The following RGS3 variants were observed in gnomAD, a reference collection of about 807,000 sequenced individuals.
The protein encoded by RGS3 is regulator of G protein signaling 3.
RGS3 carries 80 observed loss-of-function variants against 132.6 expected under a neutral mutation model. The observed-to-expected ratio is 0.60, with a 90% confidence interval of 0.50 to 0.73. The LOEUF is 0.73. Ranked by LOEUF, RGS3 falls within the 30% of genes least tolerant of loss-of-function variation. The pLI, the probability that RGS3 is intolerant of heterozygous loss-of-function variation, is 0.00. For synonymous variants in RGS3, 598 were observed against 620.6 expected, an observed-to-expected ratio of 0.96 and a Z score of 0.54; for missense variants, 1,382 against 1,530.8, an observed-to-expected ratio of 0.90 and a Z score of 1.62.
At position 113,506,815 on chromosome 9, in the gene RGS3, C is replaced by A. The variant is rs1831151493; in HGVS notation, c.1085+322C>A. Among the ~76,000 whole-genome samples, 1 of 152,130 alleles carries A rather than the reference C, an allele frequency of 6.6e-6. No homozygotes were observed. The highest frequency in any genetic ancestry group is 2.1e-4 in the South Asian group (1 of 4,828). ...GCTAAGCCCATTTGTTATTTAAGGG[C>A]ATGAAGATGTTGCAAATGTTTCAAT... On this transcript the variant is annotated intron_variant, in intron 12 of 24. Transcript: ENST00000350696. The surrounding 1 kb of genome is among the most constrained non-coding windows in gnomAD (Gnocchi z 4.7).
chr9:113,517,730 T>G, intron 16 of RGS3, 106 bp downstream of exon 14: 9 of 809,274 alleles, frequency 1.1e-5, no homozygotes, highest in African/African-American at 1.7e-5. Flanking sequence ...GAATTGTACA[T>G]TCTCAGGGTA....
chr9:113,485,666 C>T (rs1830309037), exon 7 of RGS3: 1 of 1,596,232 alleles, frequency 6.3e-7, no homozygotes, highest in South Asian at 1.1e-5. Flanking sequence ...CTCTTGGTTA[C>T]TGTGTGGAAC....
chr9:113,581,497 A>G (rs1336325217), intron 19 of RGS3: 1 of 152,272 alleles, frequency 6.6e-6, no homozygotes, highest in East Asian at 1.9e-4. Flanking sequence ...CCTTAACTTC[A>G]GAATTTCCCT....
intron 7 of RGS3, 135 bp downstream of exon 5, chr9:113,485,828 G>C (rs931470820): frequency 1.6e-6 from 1 of 628,972 alleles, no homozygotes; most frequent in Non-Finnish European, 2.8e-6. Flanking sequence ...AAATTGCAGA[G>C]GCTGCCCCTC....
At chr9:113,495,589 AT>A (rs1830654740) in intron 7 of RGS3, among the ~76,000 whole-genome samples, 196 bp from the exon 6 acceptor site, 1 of 152,080 alleles carries the variant, frequency 6.6e-6, no homozygotes, top group African/African-American at 2.4e-5. Context: ...CTGAGTCTCC[AT>A]TTTTCCCTCT....
chr9:113,535,714 T>C (rs1311815321), intron 18 of RGS3, among the ~76,000 whole-genome samples: 1 of 148,574 alleles, frequency 6.7e-6, no homozygotes, highest in Non-Finnish European at 1.5e-5. Context: ...AGAAACACTG[T>C]CTTTTTTTTT....
chr9:113,452,938 A>T (rs796989219), intron 1 of RGS3, among the ~76,000 whole-genome samples: 36 of 121,166 alleles, frequency 3.0e-4, no homozygotes, highest in African/African-American at 7.6e-4. Flanking sequence ...TATATAAATA[A>T]AATATATTTA....
At chr9:113,512,193 G>A (rs1831434098) in intron 14 of RGS3, among the ~76,000 whole-genome samples, 1 of 152,194 alleles carries the variant, frequency 6.6e-6, no homozygotes, top group South Asian at 2.1e-4. Flanking sequence ...CAGTGATCAA[G>A]CTCGGGTGTC....
At chr9:113,575,939 C>T (rs1361107998) in intron 19 of RGS3, among the ~76,000 whole-genome samples, 1 of 152,118 alleles carries the variant, frequency 6.6e-6, no homozygotes. Context: ...GTGCAGGTTC[C>T]GATCCAGTGG....
At chr9:113,450,192 CTGAG>C (rs1564434153) in intron 1 of RGS3, among the ~76,000 whole-genome samples, 1 of 152,212 alleles carries the variant, frequency 6.6e-6, no homozygotes, top group Non-Finnish European at 1.5e-5. Context: ...CCTCAGCCTC[CTGAG>C]TATTTGGGAC....
At chr9:113,529,167 G>C in intron 17 of RGS3, 54 bp from the exon 16 acceptor site, 1 of 1,411,596 alleles carries the variant, frequency 7.1e-7, no homozygotes, top group South Asian at 1.1e-5. Flanking sequence ...GGAGCAAACT[G>C]CTGAGGCTCT....
In RGS3 at chr9:113,483,121, T is replaced by C. The variant is rs1830218310; in HGVS notation, c.525+4T>C. The C allele has an allele frequency of 6.2e-7, 1 of 1,600,430 alleles. No homozygotes were observed. The highest frequency in any genetic ancestry group is 1.1e-5 in the South Asian group (1 of 90,662). On this transcript the variant is annotated splice_donor_region_variant and intron_variant, in intron 5 of 24. Transcript: ENST00000350696. ...CACCTGTGATCCGTATGTGAAGGTA[T>C]GTGGTGGGGCCGGAGATGGAGAGTG...
intron 19 of RGS3, chr9:113,541,820 A>T: frequency 3.0e-6 from 3 of 993,370 alleles, no homozygotes; most frequent in Non-Finnish European, 2.4e-6. Flanking sequence ...CTGCCAGAGG[A>T]CATCTCCGCC....
intron 19 of RGS3, among the ~76,000 whole-genome samples, chr9:113,541,131 T>G (rs1426517408): frequency 6.6e-6 from 1 of 152,186 alleles, no homozygotes; most frequent in African/African-American, 2.4e-5. Context: ...CTGCTCTGGC[T>G]CTAAGACTTC....
At chr9:113,497,541 C>A in intron 9 of RGS3, 137 bp downstream of exon 7, 1 of 688,902 alleles carries the variant, frequency 1.5e-6, no homozygotes, top group Non-Finnish European at 2.4e-6. Flanking sequence ...AGGGACTTCT[C>A]AGGAGCACTT....
At chr9:113,563,168 G>T (rs964026058) in intron 19 of RGS3, among the ~76,000 whole-genome samples, 1 of 152,196 alleles carries the variant, frequency 6.6e-6, no homozygotes, top group African/African-American at 2.4e-5. Context: ...GACTCGTTCT[G>T]GACTCAGCAC....
At chr9:113,456,659 T>C (rs1200673892), upstream of RGS3, among the ~76,000 whole-genome samples, 1 of 152,148 alleles carries the variant, frequency 6.6e-6, no homozygotes, top group Non-Finnish European at 1.5e-5. Context: ...TGTTTTTTTT[T>C]TTTTCGTATT....
intron 4 of RGS3, among the ~76,000 whole-genome samples, 199 bp downstream of exon 2, chr9:113,479,740 G>A (rs1208729918): frequency 6.6e-6 from 1 of 152,178 alleles, no homozygotes; most frequent in Non-Finnish European, 1.5e-5. Flanking sequence ...CCTTGGATGT[G>A]TCTGGAGTCC....
chr9:113,498,800 C>T (rs1240893118), intron 10 of RGS3, among the ~76,000 whole-genome samples: 3 of 151,410 alleles, frequency 2.0e-5, no homozygotes, highest in African/African-American at 4.9e-5. Context: ...GTCTGTAGTC[C>T]CAGCTACTTG....
Sources: gnomAD v4.1 joint callset for allele counts (sites outside exome capture counted in the v4.1 genomes callset) on GRCh38, gnomAD v4.1.1 for gene constraint, Gnocchi (gnomAD v3.1) non-coding constraint, MANE v1.5 for transcripts, NCBI Gene and HGNC (gene_info 2026-07-23, HGNC 2026-07-21) for gene names.